The following RALYL variants were observed in gnomAD, a reference collection of about 807,000 sequenced individuals.
The protein encoded by RALYL is RNA-binding Raly-like protein.
Under a neutral mutation model 35.1 loss-of-function variants are expected in RALYL, and 29 were observed. The ratio of observed to expected loss-of-function variants is 0.83; its 90% CI spans 0.61 to 1.13. The LOEUF is 1.13. Ranked by LOEUF, RALYL falls within the 50% of genes most tolerant of loss-of-function variation. RALYL has a pLI of 0.00. For missense variants in RALYL, 359 were observed against 360.4 expected (o/e 1.00, Z 0.03); for synonymous variants, 120 against 127.6 (o/e 0.94, Z 0.40).
intron 1 of RALYL, among the ~76,000 whole-genome samples, chr8:84,420,595 G>C: frequency 7.3e-6 from 1 of 137,128 alleles, no homozygotes; most frequent in African/African-American, 2.9e-5. Flanking sequence ...CATTGCTTTT[G>C]GTGTTTTAGA....
chr8:84,279,167 A>T (rs1337143265), intron 1 of RALYL, among the ~76,000 whole-genome samples: 1 of 152,200 alleles, frequency 6.6e-6, no homozygotes, highest in African/African-American at 2.4e-5. Context: ...AAACCGTCAG[A>T]TGTCATGAGA....
chr8:84,565,167 C>T (rs2061698423), intron 2 of RALYL, among the ~76,000 whole-genome samples: 2 of 151,534 alleles, frequency 1.3e-5, no homozygotes, highest in South Asian at 4.1e-4. Context: ...CTCTTCTGGA[C>T]TATATAAATT....
At chr8:84,666,399 A>G (rs1433880909) in intron 2 of RALYL, among the ~76,000 whole-genome samples, 1 of 152,040 alleles carries the variant, frequency 6.6e-6, no homozygotes, top group Admixed American at 6.6e-5. Flanking sequence ...TAAATATTTA[A>G]CAGTGAACCA....
chr8:84,910,517 C>CA (rs1847326408), intron 8 of RALYL, among the ~76,000 whole-genome samples: 1 of 151,784 alleles, frequency 6.6e-6, no homozygotes, highest in African/African-American at 2.4e-5. Flanking sequence ...AATCTCAAAA[C>CA]AAAAAATCTG....
At chr8:84,687,363 C>G (rs936620849) in intron 2 of RALYL, among the ~76,000 whole-genome samples, 2 of 151,992 alleles carry the variant, frequency 1.3e-5, no homozygotes, top group Admixed American at 6.6e-5. Flanking sequence ...TATCTGTACT[C>G]AGAACACTCT....
At chr8:84,278,535 G>A (rs911940956) in intron 1 of RALYL, among the ~76,000 whole-genome samples, 4 of 152,110 alleles carry the variant, frequency 2.6e-5, no homozygotes, top group African/African-American at 9.7e-5. Flanking sequence ...CCTTTCTATT[G>A]CATTGTCAGG....
At chr8:84,779,485 TA>T (rs1182630445) in intron 3 of RALYL, among the ~76,000 whole-genome samples, 1 of 152,224 alleles carries the variant, frequency 6.6e-6, no homozygotes, top group Admixed American at 6.5e-5. Context: ...ATTGATTCTG[TA>T]AAAATCAATC....
chr8:84,561,735 G>C (rs1919880), intron 2 of RALYL, among the ~76,000 whole-genome samples: 1,672 of 151,990 alleles, frequency 0.011, 35 homozygotes, highest in African/African-American at 0.038. Flanking sequence ...AGACTAACGG[G>C]CATGTAGTGA....
At chr8:84,645,799 A>C (rs979423141) in intron 2 of RALYL, among the ~76,000 whole-genome samples, 1 of 151,996 alleles carries the variant, frequency 6.6e-6, no homozygotes, top group Non-Finnish European at 1.5e-5. Context: ...GAATTTCTAA[A>C]TTTCTTGAAA....
intron 1 of RALYL, among the ~76,000 whole-genome samples, chr8:84,392,273 G>A (rs1313138236): frequency 6.6e-6 from 1 of 151,900 alleles, no homozygotes; most frequent in Admixed American, 6.6e-5. Flanking sequence ...AAATCCCAGG[G>A]ACCTTTAAGG....
intron 6 of RALYL, among the ~76,000 whole-genome samples, chr8:84,872,131 C>T (rs1457988707): frequency 2.0e-5 from 3 of 152,132 alleles, no homozygotes; most frequent in Admixed American, 6.5e-5. Context: ...GGTGTGAATA[C>T]TGCCAGTCCA....
chr8:84,591,671 T>C (rs1286358094), intron 2 of RALYL, among the ~76,000 whole-genome samples: 2 of 152,174 alleles, frequency 1.3e-5, no homozygotes, highest in African/African-American at 4.8e-5. Context: ...GAGAGAGCCA[T>C]GGCTAATCGT....
At chr8:84,611,128 C>T (rs535556854) in intron 2 of RALYL, among the ~76,000 whole-genome samples, 20 of 152,154 alleles carry the variant, frequency 1.3e-4, no homozygotes, top group African/African-American at 4.1e-4. Context: ...ATTATTATCA[C>T]AGTTTATCCT....
At chr8:84,671,533 C>T (rs1833241660) in intron 2 of RALYL, among the ~76,000 whole-genome samples, 1 of 152,186 alleles carries the variant, frequency 6.6e-6, no homozygotes, top group African/African-American at 2.4e-5. Flanking sequence ...TCCATACATC[C>T]TCTGAAATCT....
chr8:84,598,616 G>A (rs545599348), intron 2 of RALYL, among the ~76,000 whole-genome samples: 3 of 152,142 alleles, frequency 2.0e-5, no homozygotes, highest in South Asian at 2.1e-4. Context: ...AGTGTTTGTT[G>A]AATAAATTAA....
chr8:84,902,286 A>C (rs1845821599), intron 8 of RALYL, among the ~76,000 whole-genome samples: 1 of 152,044 alleles, frequency 6.6e-6, no homozygotes, highest in Non-Finnish European at 1.5e-5. Context: ...GCAAGAGAGA[A>C]AGCTAGGTGC....
chr8:84,223,052 T>C (rs1286792534), intron 1 of RALYL, among the ~76,000 whole-genome samples: 1 of 151,860 alleles, frequency 6.6e-6, no homozygotes, highest in East Asian at 1.9e-4. Flanking sequence ...TCTTCTTATC[T>C]TGCTTCCCTT....
At chr8:84,273,519 C>A (rs1438707331) in intron 1 of RALYL, among the ~76,000 whole-genome samples, 1 of 152,202 alleles carries the variant, frequency 6.6e-6, no homozygotes, top group East Asian at 1.9e-4. Context: ...GTCATTAAAT[C>A]CCCATTCAGG....
chr8:84,654,279 ATATAT>A lies in RALYL; in HGVS notation c.257-120299_257-120295del, dbSNP rs1406873582. On this transcript the variant is annotated intron_variant, in intron 2 of 8. Transcript: ENST00000521268. The stretch of plus-strand genomic sequence containing the variant: ...TGTATATCTCATGTTCCATATATAT[ATATAT>A]ATATATATATATATATATATATATA... Among the ~76,000 whole-genome samples, 98 of 89,096 alleles carry A rather than the reference ATATAT, an allele frequency of 1.1e-3. 3 individuals carry two copies. The highest frequency in any genetic ancestry group is 5.6e-3 in the African/African-American group (95 of 16,822). 58.5% of individuals were successfully genotyped at this position (89,096 alleles called of 152,430 possible).
Sources: allele counts gnomAD v4.1 joint callset (sites outside exome capture counted in the v4.1 genomes callset), GRCh38; gene constraint gnomAD v4.1.1; transcripts MANE v1.5; gene names NCBI Gene and HGNC (gene_info 2026-07-23, HGNC 2026-07-21).